Variants in LPAR3 observed in about 807,000 individuals in gnomAD.
LPAR3 encodes lysophosphatidic acid receptor 3.
A neutral mutation model predicts 17.8 loss-of-function variants in LPAR3; 7 were observed. The ratio of observed to expected loss-of-function variants is 0.39; its 90% CI spans 0.22 to 0.74. The LOEUF is 0.74. LPAR3 is among the 30% of genes least tolerant of loss of function. LPAR3 has a pLI of 0.40. For missense variants in LPAR3, 391 were observed against 453.4 expected (o/e 0.86, Z 1.25); for synonymous variants, 179 against 179.9 (o/e 0.99, Z 0.04).
At chr1:84,876,195 C>T (rs1484870218) in intron 1 of LPAR3, among the ~76,000 whole-genome samples, 1 of 152,148 alleles carries the variant, frequency 6.6e-6, no homozygotes, top group East Asian at 1.9e-4. Flanking sequence ...CCCCTCCTCT[C>T]CTGCCTGCCT....
chr1:84,870,047 T>C (rs1335799899), intron 1 of LPAR3, among the ~76,000 whole-genome samples: 1 of 152,214 alleles, frequency 6.6e-6, no homozygotes, highest in Non-Finnish European at 1.5e-5. Context: ...CTGTCTTAGC[T>C]AGAATTACCA....
Position 84,858,023 on chromosome 1 carries a change from CAT to C in LPAR3, c.736+7360_736+7361del, listed in dbSNP as rs377110369. ...TCTCCTTGTCTTAAAAACAGATCTG[CAT>C]AGAGTTGTTATGAGGGTTAAGTGAA... On this transcript the variant is annotated intron_variant, in intron 2 of 2. Coordinates refer to ENST00000370611, the MANE Select transcript of LPAR3 (RefSeq NM_012152.3). 7.2e-5 allele frequency among the ~76,000 whole-genome samples: 11 copies of C among 152,242 alleles called. No homozygotes were observed. In the East Asian group the frequency reaches 1.5e-3, roughly 21 times the overall value.
intron 2 of LPAR3, among the ~76,000 whole-genome samples, chr1:84,824,573 C>T (rs1659116868): frequency 1.3e-5 from 2 of 152,172 alleles, no homozygotes; most frequent in Non-Finnish European, 2.9e-5. Flanking sequence ...AGATCACCTT[C>T]CTGGGCCTCC....
chr1:84,833,512 C>T (rs1659333157), intron 2 of LPAR3, among the ~76,000 whole-genome samples: 1 of 152,154 alleles, frequency 6.6e-6, no homozygotes, highest in African/African-American at 2.4e-5. Flanking sequence ...TGATCATTAG[C>T]TTGCTTTATT....
intron 2 of LPAR3, among the ~76,000 whole-genome samples, chr1:84,816,771 TG>T (rs1658940670): frequency 1.3e-5 from 2 of 152,296 alleles, no homozygotes; most frequent in South Asian, 4.1e-4. Flanking sequence ...CACTCCAGCC[TG>T]GGCAATAGAG....
At chr1:84,892,127 C>A (rs975574471) in intron 1 of LPAR3, among the ~76,000 whole-genome samples, 4 of 151,780 alleles carry the variant, frequency 2.6e-5, no homozygotes, top group Admixed American at 2.6e-4. Context: ...GCAGGAGAAT[C>A]GCTCGAACCT....
At chr1:84,821,431 C>T (rs754303417) in intron 2 of LPAR3, among the ~76,000 whole-genome samples, 5 of 152,134 alleles carry the variant, frequency 3.3e-5, no homozygotes, top group African/African-American at 4.8e-5. Flanking sequence ...GGGATGTGAA[C>T]AAATCTTATA....
At chr1:84,815,876 G>A (rs1008299768) in intron 2 of LPAR3, among the ~76,000 whole-genome samples, 3 of 152,138 alleles carry the variant, frequency 2.0e-5, no homozygotes, top group Admixed American at 1.3e-4. Flanking sequence ...CATAATTACG[G>A]TTCAGCAGTG....
chr1:84,867,913 C>A (rs550985084), intron 1 of LPAR3, among the ~76,000 whole-genome samples: 26 of 152,296 alleles, frequency 1.7e-4, no homozygotes, highest in African/African-American at 6.0e-4. Flanking sequence ...CCTGACTTAA[C>A]TAATCCTAAA....
At chr1:84,822,520 G>A (rs1461823971) in intron 2 of LPAR3, among the ~76,000 whole-genome samples, 2 of 152,086 alleles carry the variant, frequency 1.3e-5, no homozygotes, top group Non-Finnish European at 2.9e-5. Flanking sequence ...ATCTTGCAAA[G>A]TACCTAGTCA....
chr1:84,889,614 A>G (rs1239578225), intron 1 of LPAR3, among the ~76,000 whole-genome samples: 1 of 152,158 alleles, frequency 6.6e-6, no homozygotes, highest in Non-Finnish European at 1.5e-5. Flanking sequence ...TTCCCCACAG[A>G]GCAGTTTCTC....
rs192219461 is a variant in LPAR3, at chr1:84,885,074, A to G, written c.-19+7942T>C. Among the ~76,000 whole-genome samples the G allele has an allele frequency of 2.3e-4, 35 of 152,284 alleles. 1 individual carries two copies. The East Asian group carries it at 6.0e-3, about 26-fold the overall frequency. ...CCAGGGCCAATCCTCTCCTCCTCCC[A>G]GGGATTCCTAGCAATATCTGGAGAC... On this transcript the variant is annotated intron_variant, in intron 1 of 2. Transcript: ENST00000370611.
At chr1:84,832,642 C>A (rs1330035559) in intron 2 of LPAR3, among the ~76,000 whole-genome samples, 1 of 152,126 alleles carries the variant, frequency 6.6e-6, no homozygotes, top group Non-Finnish European at 1.5e-5. Flanking sequence ...TATAAATACA[C>A]CAAACACCTT....
chr1:84,823,130 T>A (rs1442609631), intron 2 of LPAR3, among the ~76,000 whole-genome samples: 1 of 152,310 alleles, frequency 6.6e-6, no homozygotes, highest in African/African-American at 2.4e-5. Context: ...GAGGCATTCT[T>A]CTTATTTGAA....
chr1:84,863,881 C>T (rs987642291), intron 2 of LPAR3, among the ~76,000 whole-genome samples: 2 of 152,306 alleles, frequency 1.3e-5, no homozygotes, highest in African/African-American at 4.8e-5. Flanking sequence ...CTCTCATCTT[C>T]CCCTCTACCT....
At chr1:84,852,170 C>T (rs530486539) in intron 2 of LPAR3, among the ~76,000 whole-genome samples, 7 of 151,852 alleles carry the variant, frequency 4.6e-5, no homozygotes, top group African/African-American at 1.7e-4. Context: ...CCTGCCTCAG[C>T]CTCCCGGGCC....
chr1:84,814,204 C>G lies in LPAR3; in HGVS notation c.737-33G>C, dbSNP rs1489851284. 34 of 1,572,436 alleles carry G rather than the reference C, an allele frequency of 2.2e-5. No homozygotes were observed. The Admixed American group carries it at 5.7e-4, about 26-fold the overall frequency. On this transcript the variant is annotated intron_variant, in intron 2 of 2. Coordinates refer to ENST00000370611, the MANE Select transcript of LPAR3 (RefSeq NM_012152.3). ...GAGAGAAGAGGAGGCAACAGATGCT[C>G]AGACCTTAGGGGACTTATTCAGGTT...
chr1:84,870,266 C>T (rs1161502123), intron 1 of LPAR3, among the ~76,000 whole-genome samples: 1 of 152,246 alleles, frequency 6.6e-6, no homozygotes, highest in Non-Finnish European at 1.5e-5. Flanking sequence ...TTACCTCCAT[C>T]AGAGCTACCC....
At chr1:84,829,768 G>A (rs1659247024) in intron 2 of LPAR3, among the ~76,000 whole-genome samples, 2 of 152,164 alleles carry the variant, frequency 1.3e-5, no homozygotes, top group Non-Finnish European at 2.9e-5. Context: ...AACTTTCAAA[G>A]TTTGACAGAA....
Sources: allele counts gnomAD v4.1 joint callset (sites outside exome capture counted in the v4.1 genomes callset), GRCh38; gene constraint gnomAD v4.1.1; transcripts MANE v1.5; gene names NCBI Gene and HGNC (gene_info 2026-07-23, HGNC 2026-07-21).